The following PIK3CD variants were observed in gnomAD, a reference collection of about 807,000 sequenced individuals.
PIK3CD encodes the protein phosphatidylinositol-4,5-bisphosphate 3-kinase catalytic subunit delta, also known as phosphatidylinositol 4,5-bisphosphate 3-kinase catalytic subunit delta isoform.
A neutral mutation model predicts 122.9 loss-of-function variants in PIK3CD; 20 were observed. The ratio of observed to expected loss-of-function variants is 0.16; its 90% CI spans 0.11 to 0.24. PIK3CD has a LOEUF of 0.24. PIK3CD is among the 10% of genes least tolerant of loss of function. The probability of loss-of-function intolerance (pLI) is 1.00; values close to 1 mark genes in which losing one functional copy is unlikely to be tolerated. For synonymous variants in PIK3CD, 596 were observed against 593.4 expected, an observed-to-expected ratio of 1.00 and a Z score of -0.06; for missense variants, 787 against 1,406.3, an observed-to-expected ratio of 0.56 and a Z score of 7.04.
At position 9,722,823 on chromosome 1, in the gene PIK3CD, T is replaced by C. The variant is rs967321268; in HGVS notation, c.2426+217T>C. 2.0e-5 allele frequency among the ~76,000 whole-genome samples: 3 copies of C among 152,160 alleles called. No individual in the cohort carries two copies. The highest frequency in any genetic ancestry group is 7.2e-5 in the African/African-American group (3 of 41,434). ...AGGCTTAGTGTGTACCCTGCTCTGT[T>C]GCTTTAGTTGCCCAGGTGCCCCTGG... On this transcript the variant is annotated intron_variant, in intron 19 of 23. Coordinates refer to ENST00000377346, the MANE Select transcript of PIK3CD (RefSeq NM_005026.5). The surrounding 1 kb of genome is among the most constrained non-coding windows in gnomAD (Gnocchi z 7.6).
chr1:9,661,681 C>T lies in PIK3CD; in HGVS notation c.-138+9879C>T, dbSNP rs550342246. Among the ~76,000 whole-genome samples, 44 of 151,942 alleles carry T rather than the reference C, an allele frequency of 2.9e-4. No homozygotes were observed. The South Asian group carries it at 5.4e-3, about 19-fold the overall frequency. ...TTTGAGACCAGCATGGCCAACATGG[C>T]GAAACCCCGTCTCTACAAAAAAATA... On this transcript the variant is annotated intron_variant, in intron 1 of 23. Transcript: ENST00000377346.
the PIK3CD span, among the ~76,000 whole-genome samples, chr1:9,640,594 A>T: frequency 6.6e-6 from 1 of 151,976 alleles, no homozygotes; most frequent in African/African-American, 2.4e-5. Flanking sequence ...AAAGAAAAAA[A>T]AAAAGAAACG....
rs957974546 is a variant in PIK3CD at position 9,728,309 on chromosome 1, GC to G, written c.*1265del. 6 of 152,266 alleles carry G rather than the reference GC, an allele frequency of 3.9e-5. No individual in the cohort carries two copies. The highest frequency in any genetic ancestry group is 1.2e-4 in the African/African-American group (5 of 41,550). The allele number at this position is 152,266 out of a possible 1,614,324, so 9.4% of individuals were successfully genotyped here. ...CAGGCTTAGTCTTAAGCCTCCAAAG[GC>G]CTGGATTTGAGCAGCTTTAGAAATG... On this transcript the variant is annotated 3_prime_UTR_variant, in exon 24 of 24. Coordinates refer to ENST00000377346, the MANE Select transcript of PIK3CD (RefSeq NM_005026.5).
At position 9,728,909 on chromosome 1, in the gene PIK3CD, A is replaced by G. The variant is rs1031946974; in HGVS notation, c.*1863A>G. ...ACCTTGAAATGAGAAGTAAAGGCAG[A>G]TGAAAAGAAAGAAAAAGCCTTTTTA... On this transcript the variant is annotated 3_prime_UTR_variant, in exon 24 of 24. Coordinates refer to ENST00000377346, the MANE Select transcript of PIK3CD (RefSeq NM_005026.5). 1 of 152,256 alleles carries G rather than the reference A, an allele frequency of 6.6e-6. No homozygotes were observed. The highest frequency in any genetic ancestry group is 2.4e-5 in the African/African-American group (1 of 41,468). The allele number at this position is 152,256 out of a possible 1,614,324, so 9.4% of individuals were successfully genotyped here. A position where few individuals can be genotyped will look rare whatever the true frequency, so the allele number is the denominator to read the frequency against.
chr1:9,649,095 C>G (rs570727466), upstream of PIK3CD, among the ~76,000 whole-genome samples: 244 of 109,514 alleles, frequency 2.2e-3, 2 homozygotes, highest in African/African-American at 8.9e-3. Context: ...GAGCAAGACC[C>G]TGTCTCAACA....
chr1:9,637,448 C>G, the PIK3CD span, among the ~76,000 whole-genome samples: 1 of 152,102 alleles, frequency 6.6e-6, no homozygotes, highest in Admixed American at 6.6e-5. Flanking sequence ...CCCGGGAGAT[C>G]GAGGCTGCAC....
intron 3 of PIK3CD, among the ~76,000 whole-genome samples, chr1:9,712,847 G>GT (rs373900922): frequency 8.0e-4 from 121 of 151,772 alleles, no homozygotes; most frequent in African/African-American, 2.9e-3. Flanking sequence ...ACCAGCCTGG[G>GT]TAACATGACA....
chr1:9,724,701 A>C lies in PIK3CD; in HGVS notation c.2865-103A>C, dbSNP rs1649221618. The C allele has an allele frequency of 1.4e-6, 2 of 1,460,546 alleles. No individual in the cohort carries two copies. Among genetic ancestry groups the C allele is most frequent in the African/African-American group, 1.4e-5 (1 of 71,882 alleles). The allele number at this position is 1,460,546 out of a possible 1,614,324, so 90.5% of individuals were successfully genotyped here. A position where few individuals can be genotyped will look rare whatever the true frequency, so the allele number is the denominator to read the frequency against. On this transcript the variant is annotated intron_variant, in intron 22 of 23. Coordinates refer to ENST00000377346, the MANE Select transcript of PIK3CD (RefSeq NM_005026.5). The surrounding 1 kb of genome is among the most constrained non-coding windows in gnomAD (Gnocchi z 7.3). ...CTTGTGTCCACCCATTATCAGGGCA[A>C]GGGCAGGTGTCCTTGGGGAAGGGGC...
intron 23 of PIK3CD, among the ~76,000 whole-genome samples, chr1:9,726,073 C>T (rs1649519067): frequency 6.7e-6 from 1 of 150,316 alleles, no homozygotes; most frequent in South Asian, 2.1e-4. Context: ...ATCAGCCAGG[C>T]ATGGTGGCAC....
intron 2 of PIK3CD, among the ~76,000 whole-genome samples, chr1:9,694,091 C>G (rs1012180172): frequency 6.6e-6 from 1 of 152,204 alleles, no homozygotes; most frequent in African/African-American, 2.4e-5. Flanking sequence ...GTTTGCCAAG[C>G]AGTGAGACCA....
In PIK3CD at chr1:9,717,044, A is replaced by G. The variant is rs969868296; in HGVS notation, c.866A>G (p.Gln289Arg). The change falls in exon 7 of 24, where the codon CAG becomes CGG. Residue 289 changes from glutamine to arginine, a missense_variant. Gln to Arg is a conservative substitution (Grantham distance 43). Around this residue, in one of 6 missense-constraint regions of PIK3CD, gnomAD observed 592 missense variants for 920.6 expected, o/e 0.64. Transcript: ENST00000377346. The surrounding 1 kb of genome is among the most constrained non-coding windows in gnomAD (Gnocchi z 5.4). ...SSSILAMRDEQSNPAPQVQKP... is the reference protein window; with the variant it reads ...SSSILAMRDERSNPAPQVQKP... ...TCCATCCTCGCCATGCGGGATGAGC[A>G]GAGCAACCCTGCCCCCCAGGTCCAG... The G allele has an allele frequency of 6.2e-7, 1 of 1,613,806 alleles. No homozygotes were observed. The highest frequency in any genetic ancestry group is 1.3e-5 in the African/African-American group (1 of 74,910).
intron 23 of PIK3CD, among the ~76,000 whole-genome samples, chr1:9,726,461 A>C (rs1293181308): frequency 6.6e-6 from 1 of 152,230 alleles, no homozygotes; most frequent in African/African-American, 2.4e-5. Context: ...GTGAGCCGAG[A>C]TCATGCCCCT....
the PIK3CD span, among the ~76,000 whole-genome samples, chr1:9,627,963 C>T: frequency 6.6e-6 from 1 of 152,228 alleles, no homozygotes; most frequent in African/African-American, 2.4e-5. Flanking sequence ...ATGGCACCTC[C>T]CGCAGGAGCC....
In PIK3CD at chr1:9,727,432, C is replaced by T. The variant is rs1032580083; in HGVS notation, c.*386C>T. On this transcript the variant is annotated 3_prime_UTR_variant, in exon 24 of 24. Coordinates refer to ENST00000377346, the MANE Select transcript of PIK3CD (RefSeq NM_005026.5). ...GCGCCTGGCGGTCACCTGGTGCCTA[C>T]TGTCCGACAGGATGCCTTGATCCTC... 12 of 410,444 alleles carry T rather than the reference C, an allele frequency of 2.9e-5. No individual in the cohort carries two copies. Among genetic ancestry groups the T allele is most frequent in the Non-Finnish European group, 5.1e-5 (11 of 217,036 alleles). 25.4% of individuals were successfully genotyped at this position (410,444 alleles called of 1,614,324 possible).
At chr1:9,677,411 G>A (rs542093867) in intron 1 of PIK3CD, among the ~76,000 whole-genome samples, 6 of 151,782 alleles carry the variant, frequency 4.0e-5, no homozygotes, top group South Asian at 2.1e-4. Flanking sequence ...TTTGGGAGGC[G>A]GAGGCAGGCA....
At chr1:9,702,552 C>CTTTTT (rs1557643688) in intron 2 of PIK3CD, among the ~76,000 whole-genome samples, 10 of 57,456 alleles carry the variant, frequency 1.7e-4, no homozygotes, top group Non-Finnish European at 3.0e-4. Context: ...CAGAGTTTTG[C>CTTTTT]TCTTGCTGCC....
intron 1 of PIK3CD, chr1:9,654,309 C>T (rs1290368178): frequency 1.5e-6 from 2 of 1,367,656 alleles, no homozygotes; most frequent in Admixed American, 1.9e-5. Context: ...CAGTCCACGC[C>T]GCCAGGTCTT....
chr1:9,717,745 C>T lies in PIK3CD; in HGVS notation c.1020+119C>T. 1 of 909,322 alleles carries T rather than the reference C, an allele frequency of 1.1e-6. No homozygotes were observed. 56.3% of individuals were successfully genotyped at this position (909,322 alleles called of 1,614,324 possible). On this transcript the variant is annotated intron_variant, in intron 8 of 23. Coordinates refer to ENST00000377346, the MANE Select transcript of PIK3CD (RefSeq NM_005026.5). The surrounding 1 kb of genome is among the most constrained non-coding windows in gnomAD (Gnocchi z 5.4). ...ACATGAAAGCCACCTGACCACATTA[C>T]CCAGCATCCCTGCCTGGGGCGCTGT...
At chr1:9,654,299 C>T (rs1383429927) in intron 1 of PIK3CD, 1 of 1,367,652 alleles carries the variant, frequency 7.3e-7, no homozygotes, top group African/African-American at 1.5e-5. Context: ...TCTGCAGCCT[C>T]AGTCCACGCC....
Sources: allele counts gnomAD v4.1 joint callset (sites outside exome capture counted in the v4.1 genomes callset), GRCh38; gene constraint gnomAD v4.1.1; regional missense constraint gnomAD v4.1.1; non-coding constraint Gnocchi (gnomAD v3.1); transcripts MANE v1.5; gene names NCBI Gene and HGNC (gene_info 2026-07-23, HGNC 2026-07-21).